Variants in UVSSA observed in about 807,000 individuals in gnomAD.
UVSSA encodes UV-stimulated scaffold protein A.
A neutral mutation model predicts 73.9 loss-of-function variants in UVSSA; 72 were observed. The ratio of observed to expected loss-of-function variants is 0.97; its 90% CI spans 0.81 to 1.19. The LOEUF is 1.19. UVSSA is among the 50% of genes most tolerant of loss of function. UVSSA has a pLI of 0.00. For missense variants in UVSSA, 1,150 were observed against 965.0 expected (o/e 1.19, Z -2.54); for synonymous variants, 454 against 391.3 (o/e 1.16, Z -1.89).
In UVSSA at chr4:1,372,813, TCAGG is replaced by T. The variant is rs1216382725; in HGVS notation, c.1289-2550_1289-2547del. Reference sequence around the variant, plus strand: ...CGTCCCTGCACTCACCTCCCGCGTCTCAGGGCACTCACCTCCCGCGTCTCAGGGC... The same window carrying T: ...CGTCCCTGCACTCACCTCCCGCGTCTGCACTCACCTCCCGCGTCTCAGGGC... On this transcript the variant is annotated intron_variant, in intron 8 of 13. Transcript: ENST00000389851. Among the ~76,000 whole-genome samples the T allele has an allele frequency of 5.6e-3, 300 of 53,254 alleles. 29 individuals carry two copies. Among genetic ancestry groups the T allele is most frequent in the African/African-American group, 0.017 (175 of 10,182 alleles). 34.9% of individuals were successfully genotyped at this position (53,254 alleles called of 152,430 possible). A position where few individuals can be genotyped will look rare whatever the true frequency, so the allele number is the denominator to read the frequency against.
At chr4:1,375,093 C>A in intron 8 of UVSSA, 1 of 498,720 alleles carries the variant, frequency 2.0e-6, no homozygotes, top group South Asian at 2.5e-5. Context: ...GGCACTTCTG[C>A]AAAGCCCGGC....
intron 5 of UVSSA, 160 bp from the exon 6 acceptor site, chr4:1,354,575 C>T (rs1028694595): frequency 3.0e-5 from 19 of 623,006 alleles, no homozygotes; most frequent in Middle Eastern, 4.1e-4. Flanking sequence ...TAAAACACTT[C>T]CTTCTCACAG....
chr4:1,346,900 C>A (rs1046505610), upstream of UVSSA, among the ~76,000 whole-genome samples: 1 of 152,252 alleles, frequency 6.6e-6, no homozygotes, highest in East Asian at 1.9e-4. Context: ...CTCCCCACCC[C>A]CGGCAGCCTG....
chr4:1,374,554 G>A (rs73793390), intron 8 of UVSSA, among the ~76,000 whole-genome samples: 23,944 of 152,216 alleles, frequency 0.16, 3,555 homozygotes, highest in East Asian at 0.44. Flanking sequence ...TGGTGGCCTC[G>A]TCCCTGTCAT....
chr4:1,378,266 G>A (rs887860950), intron 10 of UVSSA, among the ~76,000 whole-genome samples: 4 of 152,334 alleles, frequency 2.6e-5, no homozygotes, highest in Non-Finnish European at 5.9e-5. Context: ...GGGCTGGCGG[G>A]CCCTGGCTGG....
At position 1,380,783 on chromosome 4, in the gene UVSSA, C is replaced by A. The variant is rs1472314171; in HGVS notation, c.1753-97C>A. 3 of 1,586,558 alleles carry A rather than the reference C, an allele frequency of 1.9e-6. No individual in the cohort carries two copies. The African/African-American group carries it at 4.0e-5, about 21-fold the overall frequency. ...CTTTGGCTCTGTGATACCACCCACC[C>A]TGGTCGCTGTTTGTGCCCAAGTCGT... is the stretch of plus-strand genomic sequence containing the variant. On this transcript the variant is annotated intron_variant, in intron 11 of 13. Coordinates refer to ENST00000389851, the MANE Select transcript of UVSSA (RefSeq NM_020894.4).
chr4:1,379,372 G>C (rs1454666153), intron 10 of UVSSA, among the ~76,000 whole-genome samples: 4 of 152,200 alleles, frequency 2.6e-5, no homozygotes, highest in Non-Finnish European at 5.9e-5. Flanking sequence ...GTCCTCTGAG[G>C]CCGGCCTCCT....
At chr4:1,380,365 A>C in intron 11 of UVSSA, 135 bp downstream of exon 11, 3 of 1,204,110 alleles carry the variant, frequency 2.5e-6, no homozygotes, top group Non-Finnish European at 3.4e-6. Flanking sequence ...GAAGGGGCTT[A>C]TCCGTGGTGG....
chr4:1,354,361 G>A (rs1191722429), intron 5 of UVSSA: 5 of 294,530 alleles, frequency 1.7e-5, no homozygotes, highest in Non-Finnish European at 3.4e-5. Flanking sequence ...GGTGAGGCTG[G>A]GCTGGAGGGG....
At chr4:1,379,072 T>A (rs1719119929) in intron 10 of UVSSA, among the ~76,000 whole-genome samples, 1 of 150,574 alleles carries the variant, frequency 6.6e-6, no homozygotes, top group Non-Finnish European at 1.5e-5. Context: ...GGACCTGGGG[T>A]GAGGGCGGGG....
chr4:1,348,226 C>T, intron 2 of UVSSA, 37 bp downstream of exon 2: 5 of 1,518,706 alleles, frequency 3.3e-6, no homozygotes, highest in Non-Finnish European at 4.6e-6. Context: ...ACTGACTGGC[C>T]CACTGAGCCC....
At chr4:1,345,456 C>T (rs911816885), upstream of UVSSA, among the ~76,000 whole-genome samples, 3 of 151,906 alleles carry the variant, frequency 2.0e-5, no homozygotes, top group Non-Finnish European at 4.4e-5. Flanking sequence ...ACCAGCCTGA[C>T]CAACATGGTG....
exon 14 of UVSSA, chr4:1,394,938 T>C (rs199689156): frequency 0.021 from 25,172 of 1,212,630 alleles, 389 homozygotes; most frequent in Admixed American, 0.049. Context: ...CACGTGCCCA[T>C]GCGGAGTGCC....
At chr4:1,348,215 AACTG>A (rs746066373) in intron 2 of UVSSA, 26 bp downstream of exon 2, 6 of 1,565,618 alleles carry the variant, frequency 3.8e-6, no homozygotes, top group South Asian at 2.2e-5. Context: ...CAGTAACAGT[AACTG>A]ACTGGCCCAC....
intron 8 of UVSSA, among the ~76,000 whole-genome samples, chr4:1,369,592 A>G (rs965007150): frequency 3.3e-5 from 5 of 152,090 alleles, no homozygotes; most frequent in African/African-American, 4.8e-5. Context: ...CCTTAATCCT[A>G]CCATTTCTGT....
chr4:1,361,141 C>T (rs541675636), intron 7 of UVSSA, among the ~76,000 whole-genome samples: 144 of 152,356 alleles, frequency 9.5e-4, no homozygotes, highest in African/African-American at 3.3e-3. Flanking sequence ...CCTAGCCTAG[C>T]TCTGGAATCG....
rs1485193949 is a variant in UVSSA at position 1,347,781 on chromosome 4, C to G, written c.-3+21C>G. On this transcript the variant is annotated intron_variant, in intron 1 of 13. Transcript: ENST00000389851. ...TCTGAGTGAATAAGGGAAACAGCAA[C>G]AGTCACGTTGGGGAAAAGCTGATTC... The G allele has an allele frequency of 2.3e-5, 7 of 298,534 alleles. No individual in the cohort carries two copies. The Admixed American group carries it at 2.4e-4, about 10-fold the overall frequency. The allele number at this position is 298,534 out of a possible 1,614,324, so 18.5% of individuals were successfully genotyped here.
intron 8 of UVSSA, chr4:1,375,136 G>A (rs1577359039): frequency 8.0e-6 from 5 of 623,046 alleles, no homozygotes; most frequent in East Asian, 2.9e-5. Flanking sequence ...GCCACAAGGC[G>A]GGACTGCCGG....
chr4:1,348,117 T>A lies in UVSSA; in HGVS notation c.26T>A (p.Val9Glu). 1 of 1,613,852 alleles carries A rather than the reference T, an allele frequency of 6.2e-7. No homozygotes were observed. Among genetic ancestry groups the A allele is most frequent in the Non-Finnish European group, 8.5e-7 (1 of 1,179,914 alleles). The stretch of plus-strand genomic sequence containing the variant: ...ATGGATCAGAAACTTTCGAAGTTGG[T>A]AGAAGAGCTCACAACTTCAGGAGAA... MDQKLSKL[V>E]EELTTSGEPR... Residue 9 changes from valine (V) to glutamate (E), a missense_variant, in exon 2 of 14, where the codon GTA (valine) becomes GAA (glutamate). By Grantham distance (121) the Val-to-Glu change is moderately radical. Transcript: ENST00000389851.
Sources: allele counts gnomAD v4.1 joint callset (sites outside exome capture counted in the v4.1 genomes callset), GRCh38; gene constraint gnomAD v4.1.1; transcripts MANE v1.5; gene names NCBI Gene and HGNC (gene_info 2026-07-23, HGNC 2026-07-21).